MCTP2: variants seen among roughly 807,000 people sequenced by gnomAD.
The protein encoded by MCTP2 is multiple C2 and transmembrane domain containing 2.
In MCTP2, 132 loss-of-function variants were observed where a neutral mutation model predicts 111.6. That is an observed-to-expected ratio of 1.18 (90% CI 1.03 to 1.37). The LOEUF (loss-of-function observed/expected upper bound fraction) is 1.37. Ranked by LOEUF, MCTP2 falls within the 40% of genes most tolerant of loss-of-function variation. The pLI is 0.00. For synonymous variants in MCTP2, 395 were observed against 387.7 expected, an observed-to-expected ratio of 1.02 and a Z score of -0.22; for missense variants, 1,183 against 1,067.9, an observed-to-expected ratio of 1.11 and a Z score of -1.50.
At chr15:94,442,459 C>T (rs1449394036) in intron 18 of MCTP2, among the ~76,000 whole-genome samples, 1 of 152,160 alleles carries the variant, frequency 6.6e-6, no homozygotes, top group East Asian at 1.9e-4. Context: ...GTAACTTATT[C>T]TTAAGATTGA....
Position 94,398,945 on chromosome 15 carries a change from C to G in MCTP2, c.1789-16C>G, listed in dbSNP as rs962054627. 6.8e-7 allele frequency: 1 copy of G among 1,469,264 alleles called. No individual in the cohort carries two copies. The highest frequency in any genetic ancestry group is 9.5e-7 in the Non-Finnish European group (1 of 1,055,594). 91.0% of individuals were successfully genotyped at this position (1,469,264 alleles called of 1,614,324 possible). On this transcript the variant is annotated splice_polypyrimidine_tract_variant and intron_variant, in intron 14 of 22. Transcript: ENST00000357742. ...AATTTTGCACCAATGTGTATTTTGT[C>G]TTTTGTTTGTGACAGATTAGAGATG...
chr15:94,406,858 G>GTT (rs199663326), intron 17 of MCTP2, among the ~76,000 whole-genome samples: 233 of 132,074 alleles, frequency 1.8e-3, no homozygotes, highest in East Asian at 0.014. Context: ...CTTTTCAGTT[G>GTT]TTTTTTTTTT....
chr15:94,356,094 A>G, intron 8 of MCTP2, 43 bp from the exon 9 acceptor site: 1 of 1,423,598 alleles, frequency 7.0e-7, no homozygotes, highest in Non-Finnish European at 9.3e-7. Flanking sequence ...CACTCTCAGG[A>G]ATTAGAAGCA....
chr15:94,237,428 G>A lies in MCTP2; in HGVS notation c.-66+5764G>A, dbSNP rs1472132561. On this transcript the variant is annotated intron_variant, in intron 1 of 22. Coordinates refer to ENST00000357742, the MANE Select transcript of MCTP2 (RefSeq NM_001385001.1). Reference sequence around the variant, plus strand: ...GGCCATTGAAAGCAGTTGAGGACAGGACTAAACTCGGATTTTTTTTTTTTT... The same window carrying A: ...GGCCATTGAAAGCAGTTGAGGACAGAACTAAACTCGGATTTTTTTTTTTTT... Among the ~76,000 whole-genome samples the A allele has an allele frequency of 2.1e-5, 3 of 140,356 alleles. No individual in the cohort carries two copies. In the Admixed American group the frequency reaches 2.2e-4, roughly 11 times the overall value. The allele number at this position is 140,356 out of a possible 152,430, so 92.1% of individuals were successfully genotyped here.
intron 8 of MCTP2, among the ~76,000 whole-genome samples, chr15:94,355,633 T>C (rs2078580159): frequency 6.6e-6 from 1 of 152,068 alleles, no homozygotes; most frequent in Non-Finnish European, 1.5e-5. Flanking sequence ...TTTGGACTAG[T>C]GAATCTTACA....
At chr15:94,324,421 T>C (rs2076765360) in intron 4 of MCTP2, among the ~76,000 whole-genome samples, 1 of 152,238 alleles carries the variant, frequency 6.6e-6, no homozygotes, top group Non-Finnish European at 1.5e-5. Flanking sequence ...GTGGCCACTC[T>C]GTAGCGTTGC....
At chr15:94,245,231 T>C (rs1047507875) in intron 1 of MCTP2, among the ~76,000 whole-genome samples, 2 of 140,976 alleles carry the variant, frequency 1.4e-5, no homozygotes, top group Non-Finnish European at 3.1e-5. Context: ...TATATACATA[T>C]GTATGTATAT....
At chr15:94,351,583 G>A (rs1233654837) in intron 8 of MCTP2, among the ~76,000 whole-genome samples, 2 of 152,112 alleles carry the variant, frequency 1.3e-5, no homozygotes, top group Non-Finnish European at 1.5e-5. Context: ...GTCAAAATGG[G>A]ATTTATTGGC....
chr15:94,425,914 A>G (rs532100957), intron 17 of MCTP2, among the ~76,000 whole-genome samples: 3 of 152,316 alleles, frequency 2.0e-5, no homozygotes, highest in African/African-American at 7.2e-5. Context: ...GCAACTTTAG[A>G]GGCAAGTTTT....
chr15:94,277,603 A>T (rs2074278243), intron 1 of MCTP2, among the ~76,000 whole-genome samples: 2 of 152,184 alleles, frequency 1.3e-5, no homozygotes. Context: ...CAGCTCTTTG[A>T]CATTCTGGGA....
intron 1 of MCTP2, among the ~76,000 whole-genome samples, chr15:94,242,070 A>G (rs1286339927): frequency 6.6e-6 from 1 of 152,176 alleles, no homozygotes; most frequent in Non-Finnish European, 1.5e-5. Flanking sequence ...CCTGTAGGCC[A>G]CTTCTGATGA....
intron 4 of MCTP2, among the ~76,000 whole-genome samples, chr15:94,334,694 A>G (rs2077274006): frequency 6.6e-6 from 1 of 151,566 alleles, no homozygotes; most frequent in Non-Finnish European, 1.5e-5. Context: ...TGCAACCACA[A>G]CCAGCTAATT....
chr15:94,438,893 C>T (rs2083621653), intron 17 of MCTP2, among the ~76,000 whole-genome samples: 1 of 151,988 alleles, frequency 6.6e-6, no homozygotes, highest in Non-Finnish European at 1.5e-5. Flanking sequence ...TGATATCCTT[C>T]TGAACAGTTT....
At chr15:94,413,569 AGTGTGTGTGT>A (rs34860214) in intron 17 of MCTP2, among the ~76,000 whole-genome samples, 2 of 149,242 alleles carry the variant, frequency 1.3e-5, no homozygotes, top group East Asian at 2.0e-4. Flanking sequence ...CATGACGCTG[AGTGTGTGTGT>A]GTGTGTGTGT....
At chr15:94,371,145 C>T (rs530109593) in intron 12 of MCTP2, among the ~76,000 whole-genome samples, 2 of 151,662 alleles carry the variant, frequency 1.3e-5, no homozygotes, top group Non-Finnish European at 2.9e-5. Flanking sequence ...AAAAGTTCTC[C>T]TCACCCTGCT....
intron 1 of MCTP2, among the ~76,000 whole-genome samples, chr15:94,258,795 T>C (rs2073007888): frequency 6.6e-6 from 1 of 152,214 alleles, no homozygotes; most frequent in African/African-American, 2.4e-5. Flanking sequence ...TTTCCTGGTA[T>C]TGCAGTTTTG....
intron 4 of MCTP2, among the ~76,000 whole-genome samples, chr15:94,319,171 G>C (rs1475558244): frequency 1.3e-5 from 2 of 151,586 alleles, no homozygotes; most frequent in Non-Finnish European, 2.9e-5. Context: ...GTCAACTTCT[G>C]TTTGATTATC....
At chr15:94,457,936 C>T (rs755851050) in intron 19 of MCTP2, among the ~76,000 whole-genome samples, 5 of 152,060 alleles carry the variant, frequency 3.3e-5, no homozygotes, top group East Asian at 1.9e-4. Flanking sequence ...CTGAGGCTTG[C>T]GCGTTAGGAG....
At chr15:94,233,681 C>T (rs966573071) in intron 1 of MCTP2, among the ~76,000 whole-genome samples, 5 of 151,950 alleles carry the variant, frequency 3.3e-5, no homozygotes, top group African/African-American at 7.3e-5. Context: ...GATGATCTGG[C>T]GAGGAATCAA....
Sources: gnomAD v4.1 joint callset for allele counts (sites outside exome capture counted in the v4.1 genomes callset) on GRCh38, gnomAD v4.1.1 for gene constraint, MANE v1.5 for transcripts, NCBI Gene and HGNC (gene_info 2026-07-23, HGNC 2026-07-21) for gene names.